Variants in SLC15A2 observed in about 807,000 individuals in gnomAD.
SLC15A2 encodes the protein solute carrier family 15 member 2.
In SLC15A2, 77 loss-of-function variants were observed where a neutral mutation model predicts 95.5. That is an observed-to-expected ratio of 0.81 (90% confidence interval 0.67 to 0.97). The LOEUF (loss-of-function observed/expected upper bound fraction) is 0.97. SLC15A2 is among the 50% of genes least tolerant of loss of function. The pLI is 0.00. For synonymous variants in SLC15A2, 306 were observed against 306.9 expected (o/e 1.00, Z 0.03); for missense variants, 893 against 874.4 (o/e 1.02, Z -0.27).
At chr3:121,925,489 T>G (rs1437485141) in intron 13 of SLC15A2, among the ~76,000 whole-genome samples, 1 of 151,808 alleles carries the variant, frequency 6.6e-6, no homozygotes, top group Non-Finnish European at 1.5e-5. Flanking sequence ...TTTTTCTAAA[T>G]AGAAGGACTA....
intron 5 of SLC15A2, among the ~76,000 whole-genome samples, chr3:121,914,595 A>T (rs886065215): frequency 3.3e-5 from 5 of 152,202 alleles, no homozygotes; most frequent in Non-Finnish European, 7.3e-5. Context: ...TATTTAACTA[A>T]ATCAGGCATT....
At chr3:121,914,854 T>A in intron 5 of SLC15A2, 3 of 133,840 alleles carry the variant, frequency 2.2e-5, no homozygotes, top group Non-Finnish European at 3.0e-5. Context: ...TGAGACTCCA[T>A]CTCAAAAAAA....
chr3:121,922,419 C>A, intron 8 of SLC15A2, 117 bp downstream of exon 8: 1 of 738,938 alleles, frequency 1.4e-6, no homozygotes, highest in Non-Finnish European at 2.2e-6. Context: ...ATTCTATTTT[C>A]ATGTTTTTTA....
intron 19 of SLC15A2, 93 bp from the exon 20 acceptor site, chr3:121,939,255 CA>C: frequency 9.5e-7 from 1 of 1,055,650 alleles, no homozygotes; most frequent in East Asian, 2.9e-5. Flanking sequence ...AATGAAAATA[CA>C]AAAAGGATGG....
At chr3:121,925,748 A>G (rs1427644360) in intron 13 of SLC15A2, among the ~76,000 whole-genome samples, 1 of 73,080 alleles carries the variant, frequency 1.4e-5, no homozygotes, top group African/African-American at 6.3e-5. Flanking sequence ...ATATATATAT[A>G]TATATATATA....
rs533012535 is a variant in SLC15A2, at chr3:121,939,214, G to A, written c.1762-135G>A. ...AGTTTTGAAAAGCTGGAATTGTGTA[G>A]AAATGCTCAATTTCCTGAAAATGGC... On this transcript the variant is annotated intron_variant, in intron 19 of 21. Coordinates refer to ENST00000489711, the MANE Select transcript of SLC15A2 (RefSeq NM_021082.4). 28 of 685,298 alleles carry A rather than the reference G, an allele frequency of 4.1e-5. No individual in the cohort carries two copies. In the East Asian group the frequency reaches 8.2e-4, roughly 20 times the overall value. The allele number at this position is 685,298 out of a possible 1,614,324, so 42.5% of individuals were successfully genotyped here.
At chr3:121,915,426 T>G (rs1709873519) in intron 6 of SLC15A2, 109 bp downstream of exon 6, 1 of 845,340 alleles carries the variant, frequency 1.2e-6, no homozygotes, top group Admixed American at 2.2e-5. Flanking sequence ...CTTGATAATC[T>G]GTGAAAATTT....
At chr3:121,901,436 A>G (rs1709518383) in intron 3 of SLC15A2, among the ~76,000 whole-genome samples, 1 of 152,228 alleles carries the variant, frequency 6.6e-6, no homozygotes, top group Non-Finnish European at 1.5e-5. Flanking sequence ...ACATGACTGC[A>G]GATAGATGTA....
Position 121,922,846 on chromosome 3 carries a change from G to T in SLC15A2, c.852G>T (p.Ala284=), listed in dbSNP as rs2293616. Residue 284 remains alanine (A), a synonymous_variant, in exon 9 of 22, where the codon GCG becomes GCT. Transcript: ENST00000489711. Reference sequence around the variant, plus strand: ...AGCGACAGCACTGGCTAGACTGGGCGGCTGAGAAATATCCAGTAAGTTGGA... The same window carrying T: ...AGCGACAGCACTGGCTAGACTGGGCTGCTGAGAAATATCCAGTAAGTTGGA... The part of the protein sequence containing the change: ...IPKRQHWLDW[A]AEKYPKQLIM... 1 of 1,613,026 alleles carries T rather than the reference G, an allele frequency of 6.2e-7. No individual in the cohort carries two copies. The highest frequency in any genetic ancestry group is 8.5e-7 in the Non-Finnish European group (1 of 1,179,324).
chr3:121,905,355 C>G (rs1709613963), intron 3 of SLC15A2, among the ~76,000 whole-genome samples: 1 of 152,114 alleles, frequency 6.6e-6, no homozygotes. Context: ...TCCTTCAGTT[C>G]TGCTCTGATC....
chr3:121,908,129 G>A (rs538603217), intron 3 of SLC15A2, among the ~76,000 whole-genome samples: 36 of 152,312 alleles, frequency 2.4e-4, no homozygotes, highest in Middle Eastern at 3.4e-3. Context: ...CTCGTGGGTC[G>A]ATCTCAGACT....
chr3:121,918,281 A>G (rs1709934261), intron 7 of SLC15A2, among the ~76,000 whole-genome samples: 1 of 152,194 alleles, frequency 6.6e-6, no homozygotes, highest in Non-Finnish European at 1.5e-5. Context: ...GGTTTAATGT[A>G]GTGTTCTGAA....
intron 13 of SLC15A2, among the ~76,000 whole-genome samples, chr3:121,925,570 G>T (rs1920319): frequency 0.45 from 66,400 of 148,988 alleles, 15,317 homozygotes; most frequent in East Asian, 0.69. Flanking sequence ...CAATTTCATT[G>T]TGATGACCAC....
chr3:121,932,419 C>A (rs1327707424), intron 19 of SLC15A2, among the ~76,000 whole-genome samples: 1 of 152,142 alleles, frequency 6.6e-6, no homozygotes, highest in Non-Finnish European at 1.5e-5. Context: ...ATATGCAGAT[C>A]TTCTCACTCT....
chr3:121,920,543 G>A (rs943389389), intron 7 of SLC15A2, among the ~76,000 whole-genome samples: 11 of 152,216 alleles, frequency 7.2e-5, no homozygotes, highest in African/African-American at 1.9e-4. Context: ...TAATCCATCC[G>A]CCTTAGCCTT....
intron 5 of SLC15A2, 107 bp downstream of exon 5, chr3:121,913,227 T>A: frequency 7.7e-6 from 6 of 783,156 alleles, no homozygotes; most frequent in Non-Finnish European, 1.1e-5. Context: ...TGGTCAGATC[T>A]TATCTGAGCA....
chr3:121,896,492 A>G lies in SLC15A2; in HGVS notation c.192A>G (p.Lys64=). 6.2e-7 allele frequency: 1 copy of G among 1,613,522 alleles called. No homozygotes were observed. The highest frequency in any genetic ancestry group is 8.5e-7 in the Non-Finnish European group (1 of 1,179,516). ...AGCGCTTTTCCTATTATGGAATGAA[A>G]GGTAATTTTGTGTCCAAGAGTCCTA... is the stretch of plus-strand genomic sequence containing the variant. The part of the protein sequence containing the change: ...FCERFSYYGM[K]AVLILYFLYF... The change falls in exon 2 of 22, where the codon AAA becomes AAG. Residue 64 remains lysine (K), a splice_region_variant and synonymous_variant. Transcript: ENST00000489711.
At position 121,940,879 on chromosome 3, in the gene SLC15A2, ATCT is replaced by A; in HGVS notation, c.2066_2068del (p.Phe689del). The A allele has an allele frequency of 6.2e-7, 1 of 1,614,004 alleles. No individual in the cohort carries two copies. The highest frequency in any genetic ancestry group is 8.5e-7 in the Non-Finnish European group (1 of 1,180,000). The stretch of plus-strand genomic sequence containing the variant: ...CTGCCTCCTGCTGGTGATCTGCCTG[ATCT>A]TCTCCATCATGGGCTACTACTATGT... On this transcript the variant is annotated inframe_deletion, in exon 22 of 22. Coordinates refer to ENST00000489711, the MANE Select transcript of SLC15A2 (RefSeq NM_021082.4).
Position 121,935,832 on chromosome 3 carries a change from T to C in SLC15A2, c.1762-3517T>C, listed in dbSNP as rs566689304. Among the ~76,000 whole-genome samples, 35 of 152,260 alleles carry C rather than the reference T, an allele frequency of 2.3e-4. 1 individual carries two copies. The East Asian group carries it at 4.2e-3, about 18-fold the overall frequency. On this transcript the variant is annotated intron_variant, in intron 19 of 21. Transcript: ENST00000489711. ...CTTTTGAATGTGTTTGCTCTTGCTT[T>C]TCTAGTTCTTTTAATTGTGATGTTA...
Sources: allele counts gnomAD v4.1 joint callset (sites outside exome capture counted in the v4.1 genomes callset), GRCh38; gene constraint gnomAD v4.1.1; transcripts MANE v1.5; gene names NCBI Gene and HGNC (gene_info 2026-07-23, HGNC 2026-07-21).